Variants in CDADC1 observed in about 807,000 individuals in gnomAD.
CDADC1 encodes dCTP deaminase.
In CDADC1, 39 loss-of-function variants were observed where a neutral mutation model predicts 54.9. The ratio of observed to expected loss-of-function variants is 0.71; its 90% CI spans 0.55 to 0.93. The LOEUF (loss-of-function observed/expected upper bound fraction) is 0.93. Among genes scored for constraint, CDADC1 ranks in the 40% least tolerant of loss-of-function variants. CDADC1 has a pLI of 0.00. For synonymous variants in CDADC1, 186 were observed against 204.0 expected (o/e 0.91, Z 0.75); for missense variants, 518 against 618.8 (o/e 0.84, Z 1.73).
intron 8 of CDADC1, among the ~76,000 whole-genome samples, 199 bp downstream of exon 8, chr13:49,280,897 G>A (rs976652203): frequency 2.0e-5 from 3 of 151,082 alleles, no homozygotes; most frequent in Non-Finnish European, 4.4e-5. Flanking sequence ...CCAGTGGCTC[G>A]ATCTCGGCTC....
chr13:49,252,401 T>C (rs775759801), intron 2 of CDADC1, among the ~76,000 whole-genome samples: 1 of 152,246 alleles, frequency 6.6e-6, no homozygotes, highest in Non-Finnish European at 1.5e-5. Flanking sequence ...ATTTTTAACA[T>C]TGTTTATATG....
In CDADC1 at chr13:49,255,958, C is replaced by G. The variant is rs148058097; in HGVS notation, c.252+45C>G. On this transcript the variant is annotated intron_variant, in intron 3 of 9. Transcript: ENST00000251108. ...CATATATATGCTCATAATAACAAAG[C>G]AAAAGGAATAGTATAAAGTAGAATA... The G allele has an allele frequency of 3.0e-5, 47 of 1,587,586 alleles. No individual in the cohort carries two copies. In the African/African-American group the frequency reaches 4.9e-4, roughly 17 times the overall value.
intron 8 of CDADC1, among the ~76,000 whole-genome samples, chr13:49,285,159 C>T (rs1467817632): frequency 6.7e-6 from 1 of 148,640 alleles, no homozygotes; most frequent in African/African-American, 2.5e-5. Flanking sequence ...TTTTCTTTTT[C>T]TTTTCTTTTT....
At chr13:49,255,731 A>G in intron 2 of CDADC1, 108 bp from the exon 3 acceptor site, 1 of 1,381,568 alleles carries the variant, frequency 7.2e-7, no homozygotes, top group Non-Finnish European at 9.9e-7. Context: ...CATCATGGAA[A>G]AAAAAATGGT....
At chr13:49,257,246 G>T (rs568014779) in intron 3 of CDADC1, among the ~76,000 whole-genome samples, 1 of 152,064 alleles carries the variant, frequency 6.6e-6, no homozygotes, top group African/African-American at 2.4e-5. Context: ...AAATAAACTC[G>T]ACCCAAAAGA....
intron 4 of CDADC1, among the ~76,000 whole-genome samples, chr13:49,262,793 G>C: frequency 6.6e-6 from 1 of 152,254 alleles, no homozygotes; most frequent in East Asian, 1.9e-4. Flanking sequence ...CTCCGAAAGT[G>C]CTGGGATTAC....
At chr13:49,261,291 A>G (rs1467528566) in intron 4 of CDADC1, among the ~76,000 whole-genome samples, 3 of 152,236 alleles carry the variant, frequency 2.0e-5, no homozygotes, top group Admixed American at 1.3e-4. Flanking sequence ...GGCCTGCAAC[A>G]AGTATTTCGA....
chr13:49,275,726 TAGAGAGAGAGAGAGAGAG>T (rs1163125791), intron 6 of CDADC1, among the ~76,000 whole-genome samples: 183 of 17,828 alleles, frequency 0.01, 6 homozygotes, highest in Middle Eastern at 0.05. Context: ...TATATATATA[TAGAGAGAGAGAGAGAGAG>T]AGAGAGAGAG....
intron 8 of CDADC1, among the ~76,000 whole-genome samples, chr13:49,283,341 G>A (rs1477902627): frequency 6.6e-6 from 1 of 151,998 alleles, no homozygotes; most frequent in Non-Finnish European, 1.5e-5. Flanking sequence ...AAATGAGGGG[G>A]TGTTGACATG....
At chr13:49,286,798 C>G (rs551021877) in intron 9 of CDADC1, among the ~76,000 whole-genome samples, 1 of 152,346 alleles carries the variant, frequency 6.6e-6, no homozygotes, top group Admixed American at 6.5e-5. Flanking sequence ...TATTCGTATA[C>G]TACTACAGAT....
chr13:49,273,640 G>A (rs1953027382), intron 5 of CDADC1, among the ~76,000 whole-genome samples: 2 of 152,288 alleles, frequency 1.3e-5, no homozygotes, highest in East Asian at 3.9e-4. Context: ...TGGGCAAGAT[G>A]TCATTAACTT....
At chr13:49,269,468 ATTC>A (rs1490289332) in intron 5 of CDADC1, among the ~76,000 whole-genome samples, 33 of 152,320 alleles carry the variant, frequency 2.2e-4, no homozygotes, top group Non-Finnish European at 1.5e-5. Flanking sequence ...TAATTGCTCA[ATTC>A]TTCTTAAAGA....
intron 2 of CDADC1, among the ~76,000 whole-genome samples, chr13:49,253,291 CTAAT>C (rs1464928502): frequency 6.6e-6 from 1 of 152,184 alleles, no homozygotes; most frequent in African/African-American, 2.4e-5. Context: ...CTCCTAGAGA[CTAAT>C]TACTTTTTAA....
intron 4 of CDADC1, among the ~76,000 whole-genome samples, chr13:49,261,610 AG>A (rs1952689409): frequency 6.6e-6 from 1 of 152,268 alleles, no homozygotes; most frequent in South Asian, 2.1e-4. Flanking sequence ...CTATTGCATT[AG>A]GCAAGGTCCA....
rs988386302 is a variant in CDADC1 at position 49,292,310 on chromosome 13, T to C, written c.*553T>C. 1 of 981,412 alleles carries C rather than the reference T, an allele frequency of 1.0e-6. No individual in the cohort carries two copies. Among genetic ancestry groups the C allele is most frequent in the Non-Finnish European group, 1.2e-6 (1 of 824,802 alleles). 60.8% of individuals were successfully genotyped at this position (981,412 alleles called of 1,614,324 possible). ...ATAAAGTTAGTGGACTTTGTCTCCA[T>C]TTTTAAAGTATATTTTGTAAATGTT... On this transcript the variant is annotated 3_prime_UTR_variant, in exon 10 of 10. Transcript: ENST00000251108.
chr13:49,274,857 T>C (rs890409669), intron 6 of CDADC1, among the ~76,000 whole-genome samples: 4 of 152,166 alleles, frequency 2.6e-5, no homozygotes, highest in Non-Finnish European at 5.9e-5. Flanking sequence ...TATGGCCTCA[T>C]AGTTTAGTGA....
At chr13:49,257,653 T>C (rs1374570391) in intron 3 of CDADC1, among the ~76,000 whole-genome samples, 5 of 152,132 alleles carry the variant, frequency 3.3e-5, no homozygotes, top group African/African-American at 1.2e-4. Context: ...ACTCAGCTAC[T>C]CCACGGGCTG....
chr13:49,253,667 ATG>A (rs1952482157), intron 2 of CDADC1, among the ~76,000 whole-genome samples: 1 of 152,160 alleles, frequency 6.6e-6, no homozygotes, highest in Admixed American at 6.5e-5. Context: ...GTTAGGTACT[ATG>A]TGTTTGTTGT....
At chr13:49,285,898 C>T (rs1026837333) in intron 8 of CDADC1, among the ~76,000 whole-genome samples, 1 of 151,884 alleles carries the variant, frequency 6.6e-6, no homozygotes, top group African/African-American at 2.4e-5. Context: ...ACTGCAACCT[C>T]CACCTCCCAG....
Sources: allele counts gnomAD v4.1 joint callset (sites outside exome capture counted in the v4.1 genomes callset), GRCh38; gene constraint gnomAD v4.1.1; transcripts MANE v1.5; gene names NCBI Gene and HGNC (gene_info 2026-07-23, HGNC 2026-07-21).